The following CLEC9A variants were observed in gnomAD, a reference collection of about 807,000 sequenced individuals.
CLEC9A encodes C-type lectin domain containing 9A.
In CLEC9A, 24 loss-of-function variants were observed where a neutral mutation model predicts 30.0. The ratio of observed to expected loss-of-function variants is 0.80; its 90% CI spans 0.58 to 1.13. CLEC9A has a LOEUF of 1.13. CLEC9A is among the 50% of genes most tolerant of loss of function. CLEC9A has a pLI of 0.00. For synonymous variants in CLEC9A, 111 were observed against 96.8 expected (o/e 1.15, Z -0.86); for missense variants, 251 against 280.9 (o/e 0.89, Z 0.76).
intron 6 of CLEC9A, among the ~76,000 whole-genome samples, chr12:10,062,320 T>C (rs1373338493): frequency 6.6e-6 from 1 of 152,220 alleles, no homozygotes. Flanking sequence ...GAAGTTTCAG[T>C]GTCTTTCCTT....
intron 1 of CLEC9A, among the ~76,000 whole-genome samples, chr12:10,033,594 T>G (rs1455009826): frequency 2.0e-5 from 3 of 152,248 alleles, no homozygotes; most frequent in African/African-American, 4.8e-5. Context: ...GAATCACCTT[T>G]GACTTTTCTT....
intron 1 of CLEC9A, among the ~76,000 whole-genome samples, chr12:10,036,168 T>C (rs189314345): frequency 5.6e-4 from 86 of 152,350 alleles, no homozygotes; most frequent in Non-Finnish European, 1.0e-3. Context: ...TCATTTTCAC[T>C]ACTGTTTGTC....
At position 10,054,362 on chromosome 12, in the gene CLEC9A, A is replaced by G; in HGVS notation, c.172+11A>G. ...TCTTGGGCGTCAAGTGTAAGTACTA[A>G]AAGATATTTTCAAAATATGTATATC... is the stretch of plus-strand genomic sequence containing the variant. On this transcript the variant is annotated intron_variant, in intron 5 of 8. Transcript: ENST00000355819. 1 of 1,565,214 alleles carries G rather than the reference A, an allele frequency of 6.4e-7. No individual in the cohort carries two copies. The highest frequency in any genetic ancestry group is 8.8e-7 in the Non-Finnish European group (1 of 1,141,254).
At chr12:10,058,698 C>T (rs763502621) in intron 5 of CLEC9A, among the ~76,000 whole-genome samples, 2 of 152,150 alleles carry the variant, frequency 1.3e-5, no homozygotes, top group African/African-American at 2.4e-5. Context: ...GCGCACACCA[C>T]CACACCCAGC....
intron 2 of CLEC9A, among the ~76,000 whole-genome samples, chr12:10,046,672 C>T (rs971666211): frequency 6.6e-6 from 1 of 152,188 alleles, no homozygotes; most frequent in Non-Finnish European, 1.5e-5. Context: ...GATTCTCAAG[C>T]GTCTCAACTG....
At chr12:10,041,436 C>T (rs1162901555) in intron 1 of CLEC9A, 30 bp from the exon 2 acceptor site, 3 of 368,766 alleles carry the variant, frequency 8.1e-6, no homozygotes, top group African/African-American at 6.4e-5. Context: ...TTAAAAACAA[C>T]AACAACATTC....
intron 2 of CLEC9A, among the ~76,000 whole-genome samples, chr12:10,050,290 TATGTGACACAG>T: frequency 6.6e-6 from 1 of 152,322 alleles, no homozygotes; most frequent in Non-Finnish European, 1.5e-5. Context: ...GAATTACCAA[TATGTGACACAG>T]AGGCATAAAG....
chr12:10,051,153 C>T (rs367901700), intron 2 of CLEC9A, among the ~76,000 whole-genome samples: 131 of 150,454 alleles, frequency 8.7e-4, no homozygotes, highest in African/African-American at 2.4e-3. Context: ...TGCAGTGAGC[C>T]GAGATAGGGC....
At chr12:10,041,381 G>T in intron 1 of CLEC9A, 85 bp from the exon 2 acceptor site, 1 of 263,782 alleles carries the variant, frequency 3.8e-6, no homozygotes, top group African/African-American at 2.3e-5. Context: ...AGGGAGTCTT[G>T]GGATCTGCAG....
intron 8 of CLEC9A, among the ~76,000 whole-genome samples, chr12:10,065,207 C>G (rs1365998935): frequency 6.6e-6 from 1 of 152,170 alleles, no homozygotes; most frequent in Non-Finnish European, 1.5e-5. Flanking sequence ...GAAGCAGAAT[C>G]AGGTGCCTTC....
At chr12:10,031,509 G>A (rs1427652423) in intron 1 of CLEC9A, among the ~76,000 whole-genome samples, 1 of 152,216 alleles carries the variant, frequency 6.6e-6, no homozygotes, top group Non-Finnish European at 1.5e-5. Flanking sequence ...TGACTCTGCT[G>A]ACTCATTGTC....
chr12:10,032,027 G>A (rs1034536689), intron 1 of CLEC9A, among the ~76,000 whole-genome samples: 1 of 152,020 alleles, frequency 6.6e-6, no homozygotes, highest in African/African-American at 2.4e-5. Flanking sequence ...CCTTAGGAGG[G>A]AATTGCAAAT....
chr12:10,065,781 A>G lies in CLEC9A; in HGVS notation c.*149A>G. On this transcript the variant is annotated 3_prime_UTR_variant, in exon 9 of 9. Transcript: ENST00000355819. ...CCTGGGACTCAATAATACACTTGGG[A>G]ATATTCTTCCACACCGTCCAGATTT... is the stretch of plus-strand genomic sequence containing the variant. 1 of 727,050 alleles carries G rather than the reference A, an allele frequency of 1.4e-6. No individual in the cohort carries two copies. The highest frequency in any genetic ancestry group is 2.7e-5 in the East Asian group (1 of 36,754). The allele number at this position is 727,050 out of a possible 1,614,324, so 45.0% of individuals were successfully genotyped here.
At chr12:10,063,269 C>A in intron 7 of CLEC9A, 63 bp downstream of exon 7, 2 of 1,380,860 alleles carry the variant, frequency 1.4e-6, no homozygotes, top group Non-Finnish European at 1.9e-6. Flanking sequence ...TAAAAGAAAT[C>A]CCTCATTCTC....
At chr12:10,054,024 G>T (rs1304080179) in intron 4 of CLEC9A, among the ~76,000 whole-genome samples, 15 of 152,092 alleles carry the variant, frequency 9.9e-5, no homozygotes, top group Admixed American at 9.2e-4. Context: ...GATAACAGAA[G>T]TATACTATTA....
intron 2 of CLEC9A, among the ~76,000 whole-genome samples, chr12:10,043,935 T>C (rs1319572388): frequency 6.6e-6 from 1 of 152,130 alleles, no homozygotes; most frequent in Non-Finnish European, 1.5e-5. Flanking sequence ...TGCCTCAGCC[T>C]CCCAAAGTGC....
chr12:10,033,016 T>G (rs1344094414), intron 1 of CLEC9A, among the ~76,000 whole-genome samples: 1 of 152,058 alleles, frequency 6.6e-6, no homozygotes, highest in African/African-American at 2.4e-5. Flanking sequence ...CCAGTCAAAG[T>G]CACCATTAAC....
intron 2 of CLEC9A, among the ~76,000 whole-genome samples, chr12:10,049,261 G>A (rs959289125): frequency 6.6e-6 from 1 of 152,128 alleles, no homozygotes; most frequent in African/African-American, 2.4e-5. Flanking sequence ...TACTTATAGA[G>A]AATAGGCAGG....
intron 1 of CLEC9A, among the ~76,000 whole-genome samples, chr12:10,031,584 G>A (rs1865696839): frequency 6.6e-6 from 1 of 152,176 alleles, no homozygotes; most frequent in South Asian, 2.1e-4. Flanking sequence ...ATTTTGGGAA[G>A]AAATTGGCTT....
Sources: gnomAD v4.1 joint callset for allele counts (sites outside exome capture counted in the v4.1 genomes callset) on GRCh38, gnomAD v4.1.1 for gene constraint, MANE v1.5 for transcripts, NCBI Gene and HGNC (gene_info 2026-07-23, HGNC 2026-07-21) for gene names.